LOXHD1: variants seen among roughly 807,000 people sequenced by gnomAD.
The protein encoded by LOXHD1 is lipoxygenase homology PLAT domains 1.
Under a neutral mutation model 248.2 loss-of-function variants are expected in LOXHD1, and 205 were observed. That is an observed-to-expected ratio of 0.83 (90% confidence interval 0.74 to 0.93). LOXHD1 has a LOEUF of 0.93. Among genes scored for constraint, LOXHD1 ranks in the 40% least tolerant of loss-of-function variants. The pLI is 0.00. For missense variants in LOXHD1, 2,930 were observed against 2,971.6 expected (o/e 0.99, Z 0.33); for synonymous variants, 1,113 against 1,162.8 (o/e 0.96, Z 0.87).
At chr18:46,519,891 T>C (rs2035481355) in intron 33 of LOXHD1, among the ~76,000 whole-genome samples, 1 of 152,194 alleles carries the variant, frequency 6.6e-6, no homozygotes, top group African/African-American at 2.4e-5. Flanking sequence ...TGCAGTTCTT[T>C]GTAAAGTGAC....
chr18:46,502,968 A>T (rs2034329509), intron 37 of LOXHD1, among the ~76,000 whole-genome samples: 1 of 152,060 alleles, frequency 6.6e-6, no homozygotes, highest in Non-Finnish European at 1.5e-5. Context: ...GCTATTTCTG[A>T]GATAGAGGCT....
chr18:46,529,637 G>A (rs909145339), intron 28 of LOXHD1, among the ~76,000 whole-genome samples: 1 of 152,118 alleles, frequency 6.6e-6, no homozygotes, highest in Non-Finnish European at 1.5e-5. Context: ...TGTACATGGG[G>A]AAAGACTCAG....
chr18:46,534,263 C>T, intron 27 of LOXHD1, 72 bp downstream of exon 27: 1 of 1,057,992 alleles, frequency 9.5e-7, no homozygotes, highest in Non-Finnish European at 1.4e-6. Context: ...TAGGTCCTCA[C>T]AGGGAATTTG....
At position 46,547,013 on chromosome 18, in the gene LOXHD1, A is replaced by G. The variant is rs1299522610; in HGVS notation, c.3396T>C (p.Asp1132=). 4 of 1,551,776 alleles carry G rather than the reference A, an allele frequency of 2.6e-6. No individual in the cohort carries two copies. The highest frequency in any genetic ancestry group is 1.2e-5 in the South Asian group (1 of 84,066). ...CQRWLAVEED[D]GQLSRELLPV... ...GCAACAGCTCCCTGGACAGCTGGCCATCATCTTCCTCCACTGCCAGCCAAC... is the reference window on the plus strand; with the variant it reads ...GCAACAGCTCCCTGGACAGCTGGCCGTCATCTTCCTCCACTGCCAGCCAAC... The change falls in exon 22 of 41, where the codon GAT becomes GAC. Residue 1132 remains aspartate, a synonymous_variant. Transcript: ENST00000642948.
intron 6 of LOXHD1, among the ~76,000 whole-genome samples, chr18:46,605,677 A>G (rs2038402983): frequency 6.6e-6 from 1 of 152,212 alleles, no homozygotes; most frequent in Non-Finnish European, 1.5e-5. Flanking sequence ...CCAGGATCTG[A>G]GAACTGGACT....
rs560775398 is a variant in LOXHD1 at position 46,593,639 on chromosome 18, G to C, written c.1392C>G (p.Asn464Lys). Reference sequence around the variant, plus strand: ...TTATGCCGGGTTTGAACCACTTGTTGTTGGGATTCAGGAGAATCTCATCTG... The same window carrying C: ...TTATGCCGGGTTTGAACCACTTGTTCTTGGGATTCAGGAGAATCTCATCTG... ...GRTDEILLNP[N>K]NKWFKPGIIE... The change falls in exon 10 of 41, where the codon AAC becomes AAG. Residue 464 changes from asparagine to lysine, a missense_variant. Transcript: ENST00000642948. 1 of 1,552,264 alleles carries C rather than the reference G, an allele frequency of 6.4e-7. No individual in the cohort carries two copies. Among genetic ancestry groups the C allele is most frequent in the African/African-American group, 1.4e-5 (1 of 73,124 alleles).
chr18:46,503,156 G>A (rs547859680), intron 37 of LOXHD1, among the ~76,000 whole-genome samples: 16 of 152,306 alleles, frequency 1.1e-4, no homozygotes, highest in African/African-American at 3.4e-4. Flanking sequence ...GCCAGTGTGT[G>A]CTGGTAGCCA....
rs1420086937 is a variant in LOXHD1, at chr18:46,477,479, G to A, written c.6815C>T (p.Ser2272Phe). Residue 2272 changes from serine to phenylalanine, a missense_variant, in exon 41 of 41, where the codon TCT becomes TTT. Physicochemically the swap from Ser to Phe is radical, Grantham distance 155. Transcript: ENST00000642948. ...GGTGGGGGCCCTAGCCCCTCAGACA[G>A]AAGGGAAGAGGTCTCTCCAGGTGAG... is the stretch of plus-strand genomic sequence containing the variant. ...DGLTWRDLFP[S>F]V The A allele has an allele frequency of 1.3e-6, 2 of 1,545,606 alleles. No individual in the cohort carries two copies. The highest frequency in any genetic ancestry group is 1.4e-5 in the African/African-American group (1 of 73,082).
chr18:46,508,613 C>T (rs2034739806), intron 35 of LOXHD1, among the ~76,000 whole-genome samples: 1 of 152,334 alleles, frequency 6.6e-6, no homozygotes, highest in African/African-American at 2.4e-5. Flanking sequence ...GTCCATGGTG[C>T]TTTGTTATGC....
chr18:46,490,199 T>C (rs2033364432), intron 37 of LOXHD1, among the ~76,000 whole-genome samples: 1 of 152,230 alleles, frequency 6.6e-6, no homozygotes, highest in Admixed American at 6.5e-5. Context: ...GGCAGGTTAC[T>C]TGCTGCTCAT....
chr18:46,577,875 G>T lies in LOXHD1; in HGVS notation c.1810-8C>A. 1 of 1,551,458 alleles carries T rather than the reference G, an allele frequency of 6.4e-7. No homozygotes were observed. The highest frequency in any genetic ancestry group is 1.2e-5 in the South Asian group (1 of 84,044). ...GATAGTGAACTCGTCAGCCTTGTGG[G>T]GGGAAACCACAAGGCCAGTTAGACA... On this transcript the variant is annotated splice_region_variant and splice_polypyrimidine_tract_variant and intron_variant, in intron 13 of 40. Transcript: ENST00000642948.
intron 31 of LOXHD1, 95 bp downstream of exon 31, chr18:46,524,371 G>C: frequency 2.1e-6 from 3 of 1,461,300 alleles, no homozygotes; most frequent in Non-Finnish European, 2.8e-6. Context: ...TATGTCATCG[G>C]TGATGGTGGG....
intron 4 of LOXHD1, among the ~76,000 whole-genome samples, chr18:46,637,207 T>C (rs1200778801): frequency 6.6e-6 from 1 of 152,198 alleles, no homozygotes; most frequent in African/African-American, 2.4e-5. Flanking sequence ...TTTGAACCCC[T>C]TTTTCATTCC....
At chr18:46,612,130 A>T (rs970926524) in intron 5 of LOXHD1, among the ~76,000 whole-genome samples, 9 of 152,208 alleles carry the variant, frequency 5.9e-5, no homozygotes, top group Admixed American at 5.2e-4. Flanking sequence ...TTGTCTATGC[A>T]TTCTTCTACT....
intron 21 of LOXHD1, 94 bp downstream of exon 21, chr18:46,557,262 G>A (rs575606966): frequency 1.4e-5 from 14 of 970,928 alleles, no homozygotes; most frequent in South Asian, 5.8e-5. Context: ...CGTCACAGCC[G>A]GCCCACCCCC....
At chr18:46,503,675 T>C (rs1392053337) in intron 37 of LOXHD1, among the ~76,000 whole-genome samples, 1 of 152,216 alleles carries the variant, frequency 6.6e-6, no homozygotes, top group African/African-American at 2.4e-5. Flanking sequence ...TATTTGAGCA[T>C]GATTTGCGAG....
chr18:46,532,181 G>A (rs1196001077), intron 28 of LOXHD1, among the ~76,000 whole-genome samples: 3 of 152,198 alleles, frequency 2.0e-5, no homozygotes, highest in African/African-American at 7.2e-5. Flanking sequence ...TCTTTGATCT[G>A]TGTAGGCTGC....
At chr18:46,596,676 C>A (rs2144258235) in intron 8 of LOXHD1, among the ~76,000 whole-genome samples, 1 of 152,236 alleles carries the variant, frequency 6.6e-6, no homozygotes, top group South Asian at 2.1e-4. Context: ...TAAGCTTGGT[C>A]ATAGTCAGAA....
Position 46,592,479 on chromosome 18 carries a change from C to A in LOXHD1, c.1518+19G>T. 6.5e-7 allele frequency: 1 copy of A among 1,544,558 alleles called. No individual in the cohort carries two copies. The highest frequency in any genetic ancestry group is 2.4e-5 in the East Asian group (1 of 40,892). On this transcript the variant is annotated intron_variant, in intron 11 of 40. Transcript: ENST00000642948. Reference sequence around the variant, plus strand: ...TCCTTTCCCAACAACCTCCCAAACCCCAAGATGGTGCATCTCACCCTTTCT... The same window carrying A: ...TCCTTTCCCAACAACCTCCCAAACCACAAGATGGTGCATCTCACCCTTTCT...
Sources: allele counts gnomAD v4.1 joint callset (sites outside exome capture counted in the v4.1 genomes callset), GRCh38; gene constraint gnomAD v4.1.1; transcripts MANE v1.5; gene names NCBI Gene and HGNC (gene_info 2026-07-23, HGNC 2026-07-21).